KCNH5: variants seen among roughly 807,000 people sequenced by gnomAD.
The protein encoded by KCNH5 is potassium voltage-gated channel subfamily H member 5.
A neutral mutation model predicts 96.1 loss-of-function variants in KCNH5; 46 were observed. The ratio of observed to expected loss-of-function variants is 0.48; its 90% confidence interval spans 0.38 to 0.61. The LOEUF (loss-of-function observed/expected upper bound fraction) is 0.61. KCNH5 is among the 20% of genes least tolerant of loss of function. The probability of loss-of-function intolerance (pLI) is 0.00; values close to 1 mark genes in which losing one functional copy is unlikely to be tolerated. For missense variants in KCNH5, 907 were observed against 1,225.8 expected (o/e 0.74, Z 3.88); for synonymous variants, 439 against 449.8 (o/e 0.98, Z 0.30).
chr14:63,035,513 T>A, intron 1 of KCNH5, among the ~76,000 whole-genome samples: 1 of 152,242 alleles, frequency 6.6e-6, no homozygotes. Flanking sequence ...TGGCAGGATT[T>A]CACTAGGATG....
At chr14:62,846,902 A>G (rs1283904475) in intron 8 of KCNH5, among the ~76,000 whole-genome samples, 3 of 137,252 alleles carry the variant, frequency 2.2e-5, no homozygotes, top group Non-Finnish European at 4.6e-5. Context: ...CCGGGTTCAC[A>G]CCATTCTCCT....
chr14:62,818,998 G>A (rs2749402), intron 8 of KCNH5, among the ~76,000 whole-genome samples: 145,991 of 152,064 alleles, frequency 0.96, 70,119 homozygotes, highest in East Asian at 1. Flanking sequence ...ACGGAGTCTC[G>A]CTCTGTCACC....
intron 9 of KCNH5, among the ~76,000 whole-genome samples, chr14:62,787,957 C>A (rs1420717020): frequency 2.0e-5 from 3 of 152,176 alleles, no homozygotes; most frequent in Admixed American, 6.5e-5. Flanking sequence ...TGTTTTCATG[C>A]CGGCTAACAC....
chr14:63,043,405 A>G (rs144219262), intron 1 of KCNH5, among the ~76,000 whole-genome samples: 285 of 152,300 alleles, frequency 1.9e-3, no homozygotes, highest in African/African-American at 6.3e-3. Context: ...GAAGACTTGT[A>G]TACTTAACTA....
At chr14:62,902,566 T>C (rs377101134) in intron 7 of KCNH5, among the ~76,000 whole-genome samples, 2 of 152,166 alleles carry the variant, frequency 1.3e-5, no homozygotes, top group Non-Finnish European at 1.5e-5. Flanking sequence ...ACAGGCAATA[T>C]AGTATATTTT....
rs1884475470 is a variant in KCNH5 at position 62,708,013 on chromosome 14, T to G, written c.2462A>C (p.His821Pro). 14 of 1,614,252 alleles carry G rather than the reference T, an allele frequency of 8.7e-6. No homozygotes were observed. Among genetic ancestry groups the G allele is most frequent in the Non-Finnish European group, 1.2e-5 (14 of 1,180,044 alleles). Residue 821 changes from histidine (H) to proline (P), a missense_variant, in exon 11 of 11, where the codon CAT becomes CCT. This residue lies in a region of KCNH5 where 362 missense variants were observed against 394.4 expected (regional missense o/e 0.92). Coordinates refer to ENST00000322893, the MANE Select transcript of KCNH5 (RefSeq NM_139318.5). ...ATTCCAGTCTTCCTTTTTCTCCTCA[T>G]GGGCTCCCATATTATTCTTGAGTCG... is the stretch of plus-strand genomic sequence containing the variant. ...WLRLKNNMGAHEEKKEDWNNV... is the reference protein window; with the variant it reads ...WLRLKNNMGAPEEKKEDWNNV...
At chr14:62,933,034 C>T in intron 7 of KCNH5, among the ~76,000 whole-genome samples, 1 of 152,050 alleles carries the variant, frequency 6.6e-6, no homozygotes, top group East Asian at 1.9e-4. Flanking sequence ...AAGAGAAAGG[C>T]AAAGGGACTC....
intron 6 of KCNH5, among the ~76,000 whole-genome samples, chr14:62,968,134 A>G (rs375026642): frequency 2.0e-5 from 3 of 152,322 alleles, no homozygotes; most frequent in Admixed American, 2.0e-4. Context: ...TTACCCAACC[A>G]TGATAACATT....
intron 7 of KCNH5, chr14:62,949,862 G>A (rs541152011): frequency 7.3e-4 from 157 of 214,930 alleles, no homozygotes; most frequent in Admixed American, 2.0e-3. Flanking sequence ...TGTGCGAAAC[G>A]CCACCTCTCT....
chr14:62,719,555 G>A (rs756388764), intron 10 of KCNH5, among the ~76,000 whole-genome samples: 1 of 152,200 alleles, frequency 6.6e-6, no homozygotes, highest in African/African-American at 2.4e-5. Context: ...GCAGCCACAC[G>A]GCGAAAGAAG....
chr14:62,964,617 A>G (rs996209611), intron 6 of KCNH5, among the ~76,000 whole-genome samples: 5 of 152,040 alleles, frequency 3.3e-5, no homozygotes, highest in African/African-American at 1.2e-4. Flanking sequence ...TTCTTAGAAC[A>G]TTTATTTAAG....
At chr14:62,981,412 G>T in intron 5 of KCNH5, 148 bp from the exon 6 acceptor site, 1 of 733,412 alleles carries the variant, frequency 1.4e-6, no homozygotes, top group Non-Finnish European at 2.2e-6. Context: ...AATTTGTTCA[G>T]AGGAAGTCAC....
rs916140185 is a variant in KCNH5, at chr14:62,831,005, C to A, written c.1569+18648G>T. ...CTTATCCCCAGAAGTGTGGCCTTCCCAAAACTGTTTCCTCTTACCCATGCA... is the reference window on the plus strand; with the variant it reads ...CTTATCCCCAGAAGTGTGGCCTTCCAAAAACTGTTTCCTCTTACCCATGCA... On this transcript the variant is annotated intron_variant, in intron 8 of 10. Coordinates refer to ENST00000322893, the MANE Select transcript of KCNH5 (RefSeq NM_139318.5). 3.3e-5 allele frequency among the ~76,000 whole-genome samples: 5 copies of A among 152,192 alleles called. No homozygotes were observed. In the South Asian group the frequency reaches 6.2e-4, roughly 19 times the overall value.
rs1382973310 is a variant in KCNH5, at chr14:62,886,120, G to GGACACA, written c.1370-36274_1370-36269dup. 7.8e-5 allele frequency among the ~76,000 whole-genome samples: 4 copies of GGACACA among 51,024 alleles called. No individual in the cohort carries two copies. In the East Asian group the frequency reaches 2.0e-3, roughly 25 times the overall value. 33.5% of individuals were successfully genotyped at this position (51,024 alleles called of 152,430 possible). On this transcript the variant is annotated intron_variant, in intron 7 of 10. Transcript: ENST00000322893. ...TCCTTGAAAACACAGCACCTGCAGA[G>GGACACA]GACACACACACACACACACACACAC...
intron 6 of KCNH5, among the ~76,000 whole-genome samples, chr14:62,952,395 AG>A (rs1162848417): frequency 6.6e-6 from 1 of 152,224 alleles, no homozygotes; most frequent in Non-Finnish European, 1.5e-5. Flanking sequence ...GTCATCAACA[AG>A]TAATACAAAA....
intron 6 of KCNH5, among the ~76,000 whole-genome samples, chr14:62,977,522 A>G (rs1890524879): frequency 6.6e-6 from 1 of 152,208 alleles, no homozygotes; most frequent in Admixed American, 6.5e-5. Flanking sequence ...TGAGAAGTCA[A>G]AGACAAAACC....
intron 8 of KCNH5, among the ~76,000 whole-genome samples, chr14:62,821,798 T>C (rs1887118924): frequency 6.6e-6 from 1 of 152,090 alleles, no homozygotes; most frequent in African/African-American, 2.4e-5. Flanking sequence ...CTCAAGCATC[T>C]CTTAAAGCCT....
intron 8 of KCNH5, among the ~76,000 whole-genome samples, chr14:62,805,590 C>T (rs114809384): frequency 0.017 from 2,561 of 152,176 alleles, 74 homozygotes; most frequent in African/African-American, 0.058. Flanking sequence ...TTAGCCAAGG[C>T]AAAACTTGGT....
At chr14:62,781,851 C>T (rs894744069) in intron 9 of KCNH5, among the ~76,000 whole-genome samples, 5 of 152,192 alleles carry the variant, frequency 3.3e-5, no homozygotes, top group Admixed American at 3.3e-4. Flanking sequence ...ATACATCCTC[C>T]TCAGCTGACA....
Sources: gnomAD v4.1 joint callset for allele counts (sites outside exome capture counted in the v4.1 genomes callset) on GRCh38, gnomAD v4.1.1 for gene constraint, gnomAD v4.1.1 regional missense constraint, MANE v1.5 for transcripts, NCBI Gene and HGNC (gene_info 2026-07-23, HGNC 2026-07-21) for gene names.